The following MARCHF1 variants were observed in gnomAD, a reference collection of about 807,000 sequenced individuals.
The protein encoded by MARCHF1 is E3 ubiquitin-protein ligase MARCHF1.
MARCHF1 carries 40 observed loss-of-function variants against 54.2 expected under a neutral mutation model. The ratio of observed to expected loss-of-function variants is 0.74; its 90% confidence interval spans 0.57 to 0.96. The LOEUF (loss-of-function observed/expected upper bound fraction) is 0.96, where lower values mean the gene tolerates loss of function less well. Ranked by LOEUF, MARCHF1 falls within the 40% of genes least tolerant of loss-of-function variation. The pLI is 0.00. For synonymous variants in MARCHF1, 236 were observed against 236.3 expected (o/e 1.00, Z 0.01); for missense variants, 586 against 656.5 (o/e 0.89, Z 1.17).
At chr4:163,681,607 A>C (rs1397363892) in intron 5 of MARCHF1, among the ~76,000 whole-genome samples, 1 of 152,158 alleles carries the variant, frequency 6.6e-6, no homozygotes, top group Non-Finnish European at 1.5e-5. Flanking sequence ...TGATGGTTTT[A>C]TAAGGGGCTT....
intron 5 of MARCHF1, among the ~76,000 whole-genome samples, chr4:163,678,576 A>G (rs1420302338): frequency 6.6e-6 from 1 of 152,208 alleles, no homozygotes; most frequent in Non-Finnish European, 1.5e-5. Flanking sequence ...CATTCAGTAT[A>G]TCTCCTCTAC....
rs1181543001 is a variant in MARCHF1, at chr4:164,074,271, T to C, written c.-248+37317A>G. Among the ~76,000 whole-genome samples the C allele has an allele frequency of 2.0e-5, 3 of 152,188 alleles. No individual in the cohort carries two copies. The East Asian group carries it at 5.8e-4, about 29-fold the overall frequency. ...CCACCTTTAAGAGTCTGACTGTCTTTGAGTCTCTGCAAAAAGCAAGTGATG... is the reference window on the plus strand; with the variant it reads ...CCACCTTTAAGAGTCTGACTGTCTTCGAGTCTCTGCAAAAAGCAAGTGATG... On this transcript the variant is annotated intron_variant, in intron 2 of 9. Coordinates refer to ENST00000514618, the MANE Select transcript of MARCHF1 (RefSeq NM_001394959.1).
At chr4:164,122,773 G>A (rs1190977953) in intron 1 of MARCHF1, among the ~76,000 whole-genome samples, 1 of 151,872 alleles carries the variant, frequency 6.6e-6, no homozygotes, top group African/African-American at 2.4e-5. Flanking sequence ...ATGAACCCCA[G>A]GCCATATACC....
intron 9 of MARCHF1, among the ~76,000 whole-genome samples, chr4:163,542,856 A>G (rs1204643274): frequency 6.6e-6 from 1 of 152,216 alleles, no homozygotes; most frequent in African/African-American, 2.4e-5. Context: ...GGGAGCTGTA[A>G]TGAGTTTCCC....
intron 4 of MARCHF1, among the ~76,000 whole-genome samples, chr4:163,827,318 G>A (rs531688948): frequency 6.6e-6 from 1 of 151,890 alleles, no homozygotes; most frequent in Non-Finnish European, 1.5e-5. Flanking sequence ...GATAAAGAAC[G>A]AACCATTTCA....
intron 1 of MARCHF1, among the ~76,000 whole-genome samples, chr4:164,172,885 G>A (rs1405858771): frequency 1.3e-5 from 2 of 150,632 alleles, no homozygotes; most frequent in Non-Finnish European, 2.9e-5. Flanking sequence ...GGAGGCTGAG[G>A]CAGGAGAATG....
At chr4:164,063,626 C>A (rs1218405070) in intron 2 of MARCHF1, among the ~76,000 whole-genome samples, 1 of 152,198 alleles carries the variant, frequency 6.6e-6, no homozygotes, top group Non-Finnish European at 1.5e-5. Flanking sequence ...TGAAGTGGGC[C>A]TAGCCCCTAT....
intron 9 of MARCHF1, among the ~76,000 whole-genome samples, chr4:163,536,684 A>G (rs973303285): frequency 5.3e-5 from 8 of 152,158 alleles, no homozygotes; most frequent in African/African-American, 1.9e-4. Flanking sequence ...AATCTAAAGA[A>G]AAGTCCACTC....
chr4:164,070,216 A>G (rs1482270072), intron 2 of MARCHF1, among the ~76,000 whole-genome samples: 2 of 152,022 alleles, frequency 1.3e-5, no homozygotes, highest in East Asian at 3.9e-4. Context: ...CTAAACATAT[A>G]CCCCCTATAT....
intron 5 of MARCHF1, among the ~76,000 whole-genome samples, chr4:163,700,248 T>C (rs1744765580): frequency 6.6e-6 from 1 of 152,142 alleles, no homozygotes; most frequent in Non-Finnish European, 1.5e-5. Flanking sequence ...GGCTCACTCC[T>C]GTAATCCCAA....
In MARCHF1 at chr4:164,327,768, G is replaced by T. The variant is rs754383797; in HGVS notation, c.-323+56102C>A. ...TTTAATACTTGGTTTCTAATTTCGTGTAGGAATTTGGGGAAACAAAGGAAT... is the reference window on the plus strand; with the variant it reads ...TTTAATACTTGGTTTCTAATTTCGTTTAGGAATTTGGGGAAACAAAGGAAT... On this transcript the variant is annotated intron_variant, in intron 1 of 9. Transcript: ENST00000514618. Among the ~76,000 whole-genome samples the T allele has an allele frequency of 3.3e-5, 5 of 152,358 alleles. No individual in the cohort carries two copies. In the South Asian group the frequency reaches 6.2e-4, roughly 19 times the overall value.
chr4:164,081,655 G>A (rs1241211518), intron 2 of MARCHF1, among the ~76,000 whole-genome samples: 4 of 151,924 alleles, frequency 2.6e-5, no homozygotes, highest in Admixed American at 6.6e-5. Flanking sequence ...TGTAGCTAAG[G>A]TCCCTTAACT....
chr4:163,918,090 C>A (rs1376337473), intron 3 of MARCHF1, among the ~76,000 whole-genome samples: 1 of 151,990 alleles, frequency 6.6e-6, no homozygotes, highest in Non-Finnish European at 1.5e-5. Context: ...AGGAAGGGGT[C>A]CACTTTCAAT....
At chr4:164,083,351 C>CA (rs1755137348) in intron 2 of MARCHF1, among the ~76,000 whole-genome samples, 2 of 151,894 alleles carry the variant, frequency 1.3e-5, no homozygotes, top group South Asian at 4.2e-4. Context: ...AAGTATCATA[C>CA]AAAATTAAAC....
Position 163,986,246 on chromosome 4 carries a change from C to CTTTTTTTTTTTT in MARCHF1, c.-39+2254_-39+2255insAAAAAAAAAAAA, listed in dbSNP as rs1752861022. The stretch of plus-strand genomic sequence containing the variant: ...CCTTTCCTTTTCTCCTAATTAACCT[C>CTTTTTTTTTTTT]TTCTTTTTTTTTTTTTTTTTTTTTT... On this transcript the variant is annotated intron_variant, in intron 3 of 9. Transcript: ENST00000514618. 5.4e-4 allele frequency among the ~76,000 whole-genome samples: 40 copies of CTTTTTTTTTTTT among 73,770 alleles called. 4 individuals carry two copies. The highest frequency in any genetic ancestry group is 9.2e-4 in the South Asian group (2 of 2,168). 48.4% of individuals were successfully genotyped at this position (73,770 alleles called of 152,430 possible).
intron 3 of MARCHF1, among the ~76,000 whole-genome samples, chr4:163,985,810 C>G (rs182012912): frequency 9.2e-5 from 14 of 152,194 alleles, no homozygotes; most frequent in Admixed American, 8.5e-4. Flanking sequence ...CTTTGGATAA[C>G]TTTAGGACAA....
chr4:164,322,440 G>A (rs756101248), intron 1 of MARCHF1, among the ~76,000 whole-genome samples: 4 of 151,920 alleles, frequency 2.6e-5, no homozygotes, highest in Non-Finnish European at 5.9e-5. Context: ...TGGGAGGTTG[G>A]GGGGAGGTGG....
intron 4 of MARCHF1, among the ~76,000 whole-genome samples, chr4:163,807,872 T>C (rs546087109): frequency 6.6e-6 from 1 of 152,094 alleles, no homozygotes; most frequent in Non-Finnish European, 1.5e-5. Context: ...CCAAGAAGTG[T>C]TAATTACCTT....
chr4:163,809,905 T>A (rs978744761), intron 4 of MARCHF1, among the ~76,000 whole-genome samples: 4 of 152,206 alleles, frequency 2.6e-5, no homozygotes, highest in African/African-American at 7.2e-5. Flanking sequence ...CATCTTATAC[T>A]ATAATCTTTC....
Sources: allele counts gnomAD v4.1 joint callset (sites outside exome capture counted in the v4.1 genomes callset), GRCh38; gene constraint gnomAD v4.1.1; transcripts MANE v1.5; gene names NCBI Gene and HGNC (gene_info 2026-07-23, HGNC 2026-07-21).